Variants in CDH8 observed in about 807,000 individuals in gnomAD.
The protein encoded by CDH8 is cadherin 8, also known as cadherin-8.
CDH8 carries 17 observed loss-of-function variants against 68.1 expected under a neutral mutation model. The ratio of observed to expected loss-of-function variants is 0.25; its 90% CI spans 0.17 to 0.37. CDH8 has a LOEUF of 0.37. Among genes scored for constraint, CDH8 ranks in the 10% least tolerant of loss-of-function variants. CDH8 has a pLI of 1.00. For synonymous variants in CDH8, 372 were observed against 365.1 expected (o/e 1.02, Z -0.21); for missense variants, 763 against 999.3 (o/e 0.76, Z 3.19).
chr16:61,945,090 C>T (rs1964780479), intron 2 of CDH8, among the ~76,000 whole-genome samples: 1 of 152,112 alleles, frequency 6.6e-6, no homozygotes, highest in Non-Finnish European at 1.5e-5. Flanking sequence ...GTGAGGAGAA[C>T]ATTTGGCTTT....
chr16:62,016,449 C>G (rs1235312745), intron 2 of CDH8, among the ~76,000 whole-genome samples: 1 of 152,194 alleles, frequency 6.6e-6, no homozygotes, highest in Admixed American at 6.5e-5. Flanking sequence ...ATAATGACAT[C>G]AAGCTGTCTA....
At chr16:61,697,864 T>C (rs1181778849) in intron 10 of CDH8, among the ~76,000 whole-genome samples, 1 of 152,126 alleles carries the variant, frequency 6.6e-6, no homozygotes, top group Non-Finnish European at 1.5e-5. Context: ...TAGAGAAAAT[T>C]AGAGAAATAG....
At chr16:61,691,077 T>C (rs1350044989) in intron 10 of CDH8, among the ~76,000 whole-genome samples, 1 of 152,034 alleles carries the variant, frequency 6.6e-6, no homozygotes, top group Admixed American at 6.6e-5. Context: ...AAAAGGCCTG[T>C]TTTCCCTTAC....
Position 61,857,100 on chromosome 16 carries a change from C to T in CDH8, c.667+19G>A, listed in dbSNP as rs112143746. 2.2e-3 allele frequency: 3,579 copies of T among 1,612,562 alleles called. 66 individuals are homozygous for T. In the African/African-American group the frequency reaches 0.037, roughly 17 times the overall value. On this transcript the variant is annotated intron_variant, in intron 4 of 11. Transcript: ENST00000577390. ...AAGCAAAAACATGGCAAATATAATT[C>T]GAAATTTAGGCCACAAACCTGTTTC...
intron 3 of CDH8, among the ~76,000 whole-genome samples, chr16:61,897,543 C>T (rs560695884): frequency 1.3e-5 from 2 of 152,278 alleles, no homozygotes; most frequent in East Asian, 3.9e-4. Flanking sequence ...TCTTTCTTAA[C>T]ATATTTATAA....
At chr16:61,690,168 C>T (rs62050470) in intron 10 of CDH8, among the ~76,000 whole-genome samples, 4,847 of 152,100 alleles carry the variant, frequency 0.032, 114 homozygotes, top group Middle Eastern at 0.061. Flanking sequence ...GATGAAGCTG[C>T]CTGGGTCAAG....
intron 8 of CDH8, among the ~76,000 whole-genome samples, chr16:61,768,338 C>G (rs968787851): frequency 8.8e-4 from 100 of 113,176 alleles, no homozygotes; most frequent in African/African-American, 3.4e-3. Flanking sequence ...CTCTCTCTCT[C>G]TCTCTCTCTC....
intron 3 of CDH8, among the ~76,000 whole-genome samples, chr16:61,895,488 T>C (rs762423203): frequency 5.9e-5 from 9 of 152,184 alleles, no homozygotes; most frequent in Non-Finnish European, 1.2e-4. Flanking sequence ...CTCTGGCATA[T>C]AGTAAATTCT....
chr16:61,759,609 G>A (rs937615867), intron 8 of CDH8, among the ~76,000 whole-genome samples: 2 of 152,090 alleles, frequency 1.3e-5, no homozygotes, highest in African/African-American at 4.8e-5. Flanking sequence ...ACCAGTAACT[G>A]CCATATGACT....
rs532733005 is a variant in CDH8, at chr16:61,948,485, A to G, written c.253-47012T>C. On this transcript the variant is annotated intron_variant, in intron 2 of 11. Coordinates refer to ENST00000577390, the MANE Select transcript of CDH8 (RefSeq NM_001796.5). ...ATATGCTGTCCCCCAAAGGTTATCT[A>G]AATTCATAGGCAATGTGCATCTCTG... 2.1e-3 allele frequency among the ~76,000 whole-genome samples: 326 copies of G among 152,318 alleles called. 3 individuals are homozygous for G. The highest frequency in any genetic ancestry group is 3.0e-3 in the Non-Finnish European group (203 of 68,032).
chr16:61,982,359 A>C (rs1429172831), intron 2 of CDH8, among the ~76,000 whole-genome samples: 1 of 152,102 alleles, frequency 6.6e-6, no homozygotes, highest in African/African-American at 2.4e-5. Flanking sequence ...AGCTGGGACT[A>C]CAGGCGCCCG....
chr16:61,968,521 A>G (rs1567550063), intron 2 of CDH8, among the ~76,000 whole-genome samples: 1 of 152,232 alleles, frequency 6.6e-6, no homozygotes, highest in Admixed American at 6.5e-5. Context: ...TTCCCTTGTA[A>G]GCAGAGTATA....
intron 2 of CDH8, among the ~76,000 whole-genome samples, chr16:61,973,686 G>C (rs1468405108): frequency 6.6e-6 from 1 of 152,180 alleles, no homozygotes; most frequent in African/African-American, 2.4e-5. Context: ...GGAAAACAAA[G>C]TCATGAAAAT....
At chr16:61,755,485 T>G (rs1441518865) in intron 8 of CDH8, among the ~76,000 whole-genome samples, 2 of 152,102 alleles carry the variant, frequency 1.3e-5, no homozygotes. Flanking sequence ...TACTGTTACT[T>G]TCAGTTAAAT....
At chr16:61,865,513 C>T (rs955145262) in intron 3 of CDH8, among the ~76,000 whole-genome samples, 2 of 152,126 alleles carry the variant, frequency 1.3e-5, no homozygotes, top group Non-Finnish European at 2.9e-5. Flanking sequence ...ATCTTAGACA[C>T]GTTTATATGC....
chr16:61,831,071 A>G (rs1444179553), intron 4 of CDH8, among the ~76,000 whole-genome samples: 1 of 151,818 alleles, frequency 6.6e-6, no homozygotes, highest in Non-Finnish European at 1.5e-5. Context: ...GAAAAATCAC[A>G]CTTGGTATTC....
chr16:61,903,607 G>A (rs191514568), intron 2 of CDH8, among the ~76,000 whole-genome samples: 3 of 152,244 alleles, frequency 2.0e-5, no homozygotes, highest in Non-Finnish European at 2.9e-5. Flanking sequence ...CACCTCGCCC[G>A]GCGAAGCATA....
At chr16:61,990,598 G>A (rs1206208462) in intron 2 of CDH8, among the ~76,000 whole-genome samples, 1 of 152,030 alleles carries the variant, frequency 6.6e-6, no homozygotes, top group Admixed American at 6.6e-5. Flanking sequence ...GATCCCTTGA[G>A]GCCAGGAGTT....
intron 7 of CDH8, among the ~76,000 whole-genome samples, chr16:61,799,766 A>C (rs951962381): frequency 6.6e-6 from 1 of 152,212 alleles, no homozygotes; most frequent in African/African-American, 2.4e-5. Context: ...ACTATGTCAA[A>C]ATAGGTTATG....
Sources: gnomAD v4.1 joint callset for allele counts (sites outside exome capture counted in the v4.1 genomes callset) on GRCh38, gnomAD v4.1.1 for gene constraint, MANE v1.5 for transcripts, NCBI Gene and HGNC (gene_info 2026-07-23, HGNC 2026-07-21) for gene names.